RANBP2: variants seen among roughly 807,000 people sequenced by gnomAD.
RANBP2 encodes RAN binding protein 2, also known as E3 SUMO-protein ligase RanBP2.
In RANBP2, 57 loss-of-function variants were observed where a neutral mutation model predicts 303.6. The ratio of observed to expected loss-of-function variants is 0.19; its 90% CI spans 0.15 to 0.23. RANBP2 has a LOEUF of 0.23. Ranked by LOEUF, RANBP2 falls within the 10% of genes least tolerant of loss-of-function variation. The pLI is 1.00. For synonymous variants in RANBP2, 1,167 were observed against 1,301.5 expected (o/e 0.90, Z 2.23); for missense variants, 3,138 against 3,780.8 (o/e 0.83, Z 4.46).
chr2:109,312,031 T>TGTG, the RANBP2 span, among the ~76,000 whole-genome samples: 47,276 of 151,886 alleles, frequency 0.31, 9,104 homozygotes, highest in African/African-American at 0.55. Flanking sequence ...ACTTGAGCGT[T>TGTG]GTGGCCGGTG....
chr2:109,071,080 G>C, the RANBP2 span, among the ~76,000 whole-genome samples: 9 of 152,184 alleles, frequency 5.9e-5, 1 homozygote, highest in Admixed American at 5.9e-4. Context: ...AGGGAGAGCA[G>C]GGAGATCAGT....
chr2:108,931,129 C>T, the RANBP2 span: 2 of 967,166 alleles, frequency 2.1e-6, no homozygotes, highest in Admixed American at 3.7e-5. Context: ...AGGTGCCTTC[C>T]AGCAAACAGA....
rs756093587 is a variant in RANBP2 at position 108,783,953 on chromosome 2, C to T, written c.*52C>T. 1 of 1,495,984 alleles carries T rather than the reference C, an allele frequency of 6.7e-7. No homozygotes were observed. The highest frequency in any genetic ancestry group is 9.2e-7 in the Non-Finnish European group (1 of 1,083,438). 92.7% of individuals were successfully genotyped at this position (1,495,984 alleles called of 1,614,324 possible). ...ATCTGTATAAGCAGTTGGATTGAAG[C>T]TTAGCTATTACAATTTGATAGTTAT... On this transcript the variant is annotated 3_prime_UTR_variant, in exon 29 of 29. Coordinates refer to ENST00000283195, the MANE Select transcript of RANBP2 (RefSeq NM_006267.5).
chr2:109,317,425 A>T, the RANBP2 span, among the ~76,000 whole-genome samples: 1 of 151,950 alleles, frequency 6.6e-6, no homozygotes, highest in Non-Finnish European at 1.5e-5. Flanking sequence ...CAGAAGGGAC[A>T]CTGTCTACTC....
chr2:109,667,126 CT>C, the RANBP2 span: 1 of 1,222,828 alleles, frequency 8.2e-7, no homozygotes, highest in Non-Finnish European at 1.2e-6. Flanking sequence ...TTTTATTTTA[CT>C]TTTCAGCCAA....
the RANBP2 span, among the ~76,000 whole-genome samples, chr2:109,671,572 C>T: frequency 6.6e-6 from 1 of 152,286 alleles, no homozygotes; most frequent in South Asian, 2.1e-4. Context: ...GGAGGGTGCC[C>T]TCCTCCTGCT....
chr2:108,910,610 T>G, the RANBP2 span: 1 of 1,425,304 alleles, frequency 7.0e-7, no homozygotes, highest in Non-Finnish European at 9.8e-7. Flanking sequence ...ACCCTGCTCT[T>G]CCTGTTGGGC....
the RANBP2 span, among the ~76,000 whole-genome samples, chr2:109,584,895 CATTTT>C: frequency 1.3e-5 from 2 of 152,074 alleles, no homozygotes. Context: ...CTGAAATGCA[CATTTT>C]AATAAGGTGA....
the RANBP2 span, among the ~76,000 whole-genome samples, chr2:109,644,133 A>T: frequency 2.0e-5 from 1 of 49,396 alleles, no homozygotes; most frequent in African/African-American, 8.0e-5. Context: ...AAAAAAAAAC[A>T]AAAAAACAAA....
At chr2:109,517,682 G>C in the RANBP2 span, among the ~76,000 whole-genome samples, 1 of 152,196 alleles carries the variant, frequency 6.6e-6, no homozygotes, top group African/African-American at 2.4e-5. Flanking sequence ...TTACTGCTCC[G>C]TCCTGGGCTG....
chr2:109,584,138 C>T, the RANBP2 span, among the ~76,000 whole-genome samples: 9 of 152,072 alleles, frequency 5.9e-5, 1 homozygote, highest in South Asian at 2.1e-4. Flanking sequence ...CAAATCTAAA[C>T]GAAAAATTGA....
chr2:108,748,875 T>C, intron 8 of RANBP2, 45 bp from the exon 9 acceptor site: 5 of 1,611,844 alleles, frequency 3.1e-6, no homozygotes, highest in Non-Finnish European at 3.4e-6. Context: ...GCAAATACAA[T>C]CTGTAATTTT....
the RANBP2 span, chr2:108,912,881 T>G: frequency 6.7e-5 from 53 of 790,956 alleles, no homozygotes; most frequent in Non-Finnish European, 1.1e-4. Context: ...CAGTGATGGC[T>G]GAGGGGAGCT....
the RANBP2 span, among the ~76,000 whole-genome samples, chr2:109,392,188 G>T: frequency 6.6e-6 from 1 of 152,158 alleles, no homozygotes; most frequent in Admixed American, 6.5e-5. Context: ...ATAGTCAAGG[G>T]CATAGGTATA....
the RANBP2 span, among the ~76,000 whole-genome samples, chr2:109,465,395 G>A: frequency 6.6e-6 from 1 of 152,226 alleles, no homozygotes; most frequent in Admixed American, 6.5e-5. Context: ...AGTTTTGTAA[G>A]AAACTGCCAA....
the RANBP2 span, among the ~76,000 whole-genome samples, chr2:108,957,677 G>A: frequency 2.0e-5 from 3 of 152,220 alleles, no homozygotes; most frequent in Admixed American, 2.0e-4. Flanking sequence ...ACTATTTGAT[G>A]TCCAAACCCC....
chr2:109,723,247 G>A, the RANBP2 span, among the ~76,000 whole-genome samples: 1 of 152,148 alleles, frequency 6.6e-6, no homozygotes, highest in Non-Finnish European at 1.5e-5. Context: ...TGCCTCCTGG[G>A]TTCAAGCTGT....
At chr2:108,844,682 A>ACAACC in the RANBP2 span, among the ~76,000 whole-genome samples, 1 of 152,148 alleles carries the variant, frequency 6.6e-6, no homozygotes, top group Non-Finnish European at 1.5e-5. Flanking sequence ...AGCTTCAGCA[A>ACAACC]CAACCCAGAG....
the RANBP2 span, among the ~76,000 whole-genome samples, chr2:109,301,260 G>A: frequency 5.9e-5 from 9 of 151,970 alleles, no homozygotes; most frequent in East Asian, 1.2e-3. Context: ...ACTTTCTCCC[G>A]TGTGGCCACA....
Sources: gnomAD v4.1 joint callset for allele counts (sites outside exome capture counted in the v4.1 genomes callset) on GRCh38, gnomAD v4.1.1 for gene constraint, MANE v1.5 for transcripts, NCBI Gene and HGNC (gene_info 2026-07-23, HGNC 2026-07-21) for gene names.